Variants in ATP2C1 observed in about 807,000 individuals in gnomAD.
The protein encoded by ATP2C1 is calcium-transporting ATPase type 2C member 1.
Under a neutral mutation model 120.5 loss-of-function variants are expected in ATP2C1, and 31 were observed. That is an observed-to-expected ratio of 0.26 (90% CI 0.19 to 0.35). The LOEUF (loss-of-function observed/expected upper bound fraction) is 0.35. Among genes scored for constraint, ATP2C1 ranks in the 10% least tolerant of loss-of-function variants. The probability of loss-of-function intolerance (pLI) is 1.00; values close to 1 mark genes in which losing one functional copy is unlikely to be tolerated. For synonymous variants in ATP2C1, 351 were observed against 358.7 expected (o/e 0.98, Z 0.24); for missense variants, 731 against 1,107.5 (o/e 0.66, Z 4.83).
In ATP2C1 at chr3:130,979,433, G is replaced by T; in HGVS notation, c.1741+14G>T. On this transcript the variant is annotated intron_variant, in intron 19 of 27. Transcript: ENST00000510168. ...CAGTTGCAATCGGTATAACTAGACTGCTTTCTTTTGTTTTCGATAGTTTTT... is the reference window on the plus strand; with the variant it reads ...CAGTTGCAATCGGTATAACTAGACTTCTTTCTTTTGTTTTCGATAGTTTTT... 1.2e-6 allele frequency: 2 copies of T among 1,612,556 alleles called. No individual in the cohort carries two copies. Among genetic ancestry groups the T allele is most frequent in the Non-Finnish European group, 1.7e-6 (2 of 1,179,056 alleles).
intron 2 of ATP2C1, among the ~76,000 whole-genome samples, chr3:130,926,195 A>G (rs2059197592): frequency 6.6e-6 from 1 of 152,138 alleles, no homozygotes; most frequent in Non-Finnish European, 1.5e-5. Context: ...TTGTAGCAAA[A>G]GTTCATGATG....
downstream of ATP2C1, chr3:131,003,193 G>A: frequency 1.0e-6 from 1 of 970,346 alleles, no homozygotes; most frequent in Non-Finnish European, 1.2e-6. Context: ...TTATCCATAT[G>A]GATGCTGAAG....
chr3:130,878,874 A>G (rs1429179594), intron 1 of ATP2C1, among the ~76,000 whole-genome samples: 1 of 152,240 alleles, frequency 6.6e-6, no homozygotes, highest in Middle Eastern at 3.4e-3. Flanking sequence ...TTTGTGTTGA[A>G]TTTATTTGGA....
At chr3:130,918,863 G>A (rs2058806679) in intron 2 of ATP2C1, among the ~76,000 whole-genome samples, 4 of 152,074 alleles carry the variant, frequency 2.6e-5, no homozygotes, top group Admixed American at 2.6e-4. Flanking sequence ...ATGGTGGCGG[G>A]TGCCTGTAGT....
At chr3:130,981,803 A>T (rs948924404) in intron 20 of ATP2C1, among the ~76,000 whole-genome samples, 1 of 152,208 alleles carries the variant, frequency 6.6e-6, no homozygotes, top group African/African-American at 2.4e-5. Context: ...TTCCCTCACA[A>T]CTAGTGATGT....
In ATP2C1 at chr3:130,894,641, G is replaced by A; in HGVS notation, c.-129G>A. 6.2e-7 allele frequency: 1 copy of A among 1,603,276 alleles called. No individual in the cohort carries two copies. Among genetic ancestry groups the A allele is most frequent in the Non-Finnish European group, 8.5e-7 (1 of 1,173,746 alleles). ...AGCCGTGGGACGCGTGGCCGGGAGC[G>A]GGGGTGACAGCCTGGGATTCCGGGG... On this transcript the variant is annotated 5_prime_UTR_variant, in exon 2 of 28. Coordinates refer to ENST00000510168, the MANE Select transcript of ATP2C1 (RefSeq NM_001378687.1). The surrounding 1 kb of genome is among the most constrained non-coding windows in gnomAD (Gnocchi z 4.5).
intron 1 of ATP2C1, among the ~76,000 whole-genome samples, chr3:130,881,152 G>A (rs1018140054): frequency 6.6e-6 from 1 of 152,198 alleles, no homozygotes; most frequent in Non-Finnish European, 1.5e-5. Flanking sequence ...CATTTAAATG[G>A]AGGGAGGAGG....
intron 26 of ATP2C1, among the ~76,000 whole-genome samples, chr3:131,010,231 C>T (rs948909012): frequency 6.8e-6 from 1 of 147,132 alleles, no homozygotes; most frequent in African/African-American, 2.6e-5. Flanking sequence ...TGCTCTGTTG[C>T]CCAGGCTGGA....
At chr3:130,920,810 A>C (rs780669951) in intron 2 of ATP2C1, among the ~76,000 whole-genome samples, 1 of 152,228 alleles carries the variant, frequency 6.6e-6, no homozygotes, top group African/African-American at 2.4e-5. Context: ...AAACGTGAGC[A>C]TAGGTGTTTC....
At chr3:130,990,043 T>A (rs1429276598) in intron 20 of ATP2C1, among the ~76,000 whole-genome samples, 1 of 152,210 alleles carries the variant, frequency 6.6e-6, no homozygotes, top group African/African-American at 2.4e-5. Context: ...AGTAGTGTGA[T>A]ATTACAGTGC....
intron 1 of ATP2C1, among the ~76,000 whole-genome samples, chr3:130,873,611 T>G (rs2068504560): frequency 6.6e-6 from 1 of 152,344 alleles, no homozygotes; most frequent in African/African-American, 2.4e-5. Flanking sequence ...TATAAGTTTT[T>G]TAAAAACTCA....
intron 26 of ATP2C1, among the ~76,000 whole-genome samples, chr3:131,009,651 A>G (rs956808690): frequency 6.6e-6 from 1 of 152,220 alleles, no homozygotes; most frequent in Admixed American, 6.5e-5. Flanking sequence ...GAATTTTTAC[A>G]GCTGGATGGA....
At chr3:130,885,203 G>A (rs1211397470) in intron 1 of ATP2C1, among the ~76,000 whole-genome samples, 4 of 151,930 alleles carry the variant, frequency 2.6e-5, no homozygotes, top group African/African-American at 9.7e-5. Flanking sequence ...CAAAGTGCTG[G>A]GATTACAGGC....
chr3:130,896,312 A>G (rs1268299695), intron 2 of ATP2C1, among the ~76,000 whole-genome samples: 1 of 152,168 alleles, frequency 6.6e-6, no homozygotes, highest in Admixed American at 6.5e-5. Context: ...GTTGTGAGAT[A>G]GGAGAATGGT....
At chr3:131,015,338 T>G (rs1476922984) in intron 26 of ATP2C1, 2 of 641,582 alleles carry the variant, frequency 3.1e-6, no homozygotes, top group Non-Finnish European at 5.6e-6. Flanking sequence ...ACACAATCTA[T>G]CTCCTTTTTA....
At chr3:130,944,768 G>A (rs1576823774) in intron 8 of ATP2C1, among the ~76,000 whole-genome samples, 1 of 152,182 alleles carries the variant, frequency 6.6e-6, no homozygotes. Context: ...TCAGAAGCCA[G>A]TGGTTGAGCC....
intron 6 of ATP2C1, among the ~76,000 whole-genome samples, chr3:130,940,394 T>C (rs905905702): frequency 6.6e-6 from 1 of 152,212 alleles, no homozygotes; most frequent in Non-Finnish European, 1.5e-5. Context: ...TAAATAACCT[T>C]AGGTTTGTAC....
Position 130,898,993 on chromosome 3 carries a change from G to A in ATP2C1, c.6+4218G>A, listed in dbSNP as rs77579945. ...GTTGAAACAAATTCTTTTTAATAAT[G>A]GTTTCAGGCATCAGTTGTGACAAGG... is the stretch of plus-strand genomic sequence containing the variant. On this transcript the variant is annotated intron_variant, in intron 2 of 27. Transcript: ENST00000510168. Among the ~76,000 whole-genome samples the A allele has an allele frequency of 9.7e-3, 1,483 of 152,212 alleles. 33 individuals carry two copies. The highest frequency in any genetic ancestry group is 0.033 in the African/African-American group (1,356 of 41,524).
At chr3:130,890,145 T>A (rs778726151), upstream of ATP2C1, among the ~76,000 whole-genome samples, 2 of 152,130 alleles carry the variant, frequency 1.3e-5, no homozygotes, top group African/African-American at 4.8e-5. Context: ...GGGCCAGAGG[T>A]GAATTATGCT....
Sources: gnomAD v4.1 joint callset for allele counts (sites outside exome capture counted in the v4.1 genomes callset) on GRCh38, gnomAD v4.1.1 for gene constraint, Gnocchi (gnomAD v3.1) non-coding constraint, MANE v1.5 for transcripts, NCBI Gene and HGNC (gene_info 2026-07-23, HGNC 2026-07-21) for gene names.